Variants in ADGRB3 observed in about 807,000 individuals in gnomAD.
The protein encoded by ADGRB3 is adhesion G protein-coupled receptor B3, also known as brain-specific angiogenesis inhibitor 3.
Under a neutral mutation model 193.4 loss-of-function variants are expected in ADGRB3, and 37 were observed. That is an observed-to-expected ratio of 0.19 (90% CI 0.15 to 0.25). The LOEUF is 0.25. ADGRB3 is among the 10% of genes least tolerant of loss of function. The probability of loss-of-function intolerance (pLI) is 1.00; values close to 1 mark genes in which losing one functional copy is unlikely to be tolerated. For missense variants in ADGRB3, 1,637 were observed against 1,852.9 expected (o/e 0.88, Z 2.14); for synonymous variants, 690 against 644.2 (o/e 1.07, Z -1.08).
In ADGRB3 at chr6:68,712,434, C is replaced by T. The variant is rs945569840; in HGVS notation, c.757+73002C>T. Reference sequence around the variant, plus strand: ...TGCAAATGTGAATTTTTGCCTCTAGCGTGTTTTATTGCTACCTTGTCAAAA... The same window carrying T: ...TGCAAATGTGAATTTTTGCCTCTAGTGTGTTTTATTGCTACCTTGTCAAAA... On this transcript the variant is annotated intron_variant, in intron 3 of 31. Transcript: ENST00000370598. Among the ~76,000 whole-genome samples, 9 of 151,918 alleles carry T rather than the reference C, an allele frequency of 5.9e-5. No homozygotes were observed. The East Asian group carries it at 7.7e-4, about 13-fold the overall frequency.
chr6:68,834,711 G>A (rs959814329), intron 3 of ADGRB3, among the ~76,000 whole-genome samples: 3 of 124,514 alleles, frequency 2.4e-5, no homozygotes, highest in African/African-American at 6.3e-5. Flanking sequence ...CATCTGTTCA[G>A]TGCTGAGACG....
Position 68,809,616 on chromosome 6 carries a change from A to C in ADGRB3, c.758-120943A>C, listed in dbSNP as rs552064447. 2.6e-5 allele frequency among the ~76,000 whole-genome samples: 4 copies of C among 152,310 alleles called. No homozygotes were observed. In the East Asian group the frequency reaches 5.8e-4, roughly 22 times the overall value. On this transcript the variant is annotated intron_variant, in intron 3 of 31. Transcript: ENST00000370598. ...AAATAAGATTTTTGTCTAGTGAAAA[A>C]CTTAGCATAGGAAAAGCAAGACATG...
chr6:68,963,722 T>G (rs1768297355), intron 8 of ADGRB3, among the ~76,000 whole-genome samples: 1 of 152,132 alleles, frequency 6.6e-6, no homozygotes, highest in Admixed American at 6.5e-5. Context: ...AGGGGAGAAT[T>G]TGGGAGCCCA....
intron 3 of ADGRB3, among the ~76,000 whole-genome samples, chr6:68,777,694 A>G (rs1766775812): frequency 6.6e-6 from 1 of 150,568 alleles, no homozygotes; most frequent in Admixed American, 6.6e-5. Flanking sequence ...AAAAACGACT[A>G]CTAAACATGA....
At chr6:69,083,956 G>A (rs1028507475) in intron 17 of ADGRB3, among the ~76,000 whole-genome samples, 2 of 151,832 alleles carry the variant, frequency 1.3e-5, no homozygotes, top group Non-Finnish European at 2.9e-5. Context: ...TGCATTTTTA[G>A]TATAGACGCA....
chr6:69,376,544 C>T (rs964710077), intron 30 of ADGRB3, among the ~76,000 whole-genome samples: 1 of 151,956 alleles, frequency 6.6e-6, no homozygotes, highest in South Asian at 2.1e-4. Context: ...AATCACAAAT[C>T]CCCATTTTCA....
At chr6:68,881,235 CCA>C (rs1765721047) in intron 3 of ADGRB3, among the ~76,000 whole-genome samples, 2 of 151,702 alleles carry the variant, frequency 1.3e-5, no homozygotes, top group African/African-American at 4.8e-5. Context: ...AGCATCAAAT[CCA>C]CAGTTATGTG....
At position 69,114,821 on chromosome 6, in the gene ADGRB3, G is replaced by A. The variant is rs1773480977; in HGVS notation, c.2480+38783G>A. 2.0e-5 allele frequency among the ~76,000 whole-genome samples: 3 copies of A among 152,216 alleles called. 1 individual carries two copies. In the South Asian group the frequency reaches 6.2e-4, roughly 32 times the overall value. On this transcript the variant is annotated intron_variant, in intron 17 of 31. Coordinates refer to ENST00000370598, the MANE Select transcript of ADGRB3 (RefSeq NM_001704.3). ...GGTTTGTCAAAGATCAGAAATTTATGCAGCCAACAAACATATGAAAAAATG... is the reference window on the plus strand; with the variant it reads ...GGTTTGTCAAAGATCAGAAATTTATACAGCCAACAAACATATGAAAAAATG...
intron 17 of ADGRB3, among the ~76,000 whole-genome samples, chr6:69,150,813 G>T (rs1257177772): frequency 2.0e-5 from 3 of 152,194 alleles, no homozygotes; most frequent in African/African-American, 7.2e-5. Context: ...CTCTTTAGCA[G>T]CAGGTGATGA....
chr6:68,901,720 CT>C (rs1185250475), intron 3 of ADGRB3, among the ~76,000 whole-genome samples: 1 of 152,006 alleles, frequency 6.6e-6, no homozygotes, highest in Non-Finnish European at 1.5e-5. Context: ...GCTATATATA[CT>C]ACATGGCATA....
chr6:69,253,244 T>A (rs1156916526), intron 20 of ADGRB3, among the ~76,000 whole-genome samples: 1 of 152,218 alleles, frequency 6.6e-6, no homozygotes, highest in East Asian at 1.9e-4. Flanking sequence ...TCCTTTCCAA[T>A]ATTATTTTGC....
intron 8 of ADGRB3, among the ~76,000 whole-genome samples, chr6:68,970,102 A>G (rs1456299412): frequency 6.6e-6 from 1 of 152,138 alleles, no homozygotes; most frequent in African/African-American, 2.4e-5. Context: ...GCACACTGCC[A>G]GTTTTAATTA....
intron 20 of ADGRB3, among the ~76,000 whole-genome samples, chr6:69,312,546 G>C (rs1768217168): frequency 6.6e-6 from 1 of 151,634 alleles, no homozygotes; most frequent in Non-Finnish European, 1.5e-5. Context: ...GTCCAGTGGT[G>C]TCATTTAGTG....
chr6:69,159,406 A>G (rs1045215162), intron 17 of ADGRB3, among the ~76,000 whole-genome samples: 1 of 152,032 alleles, frequency 6.6e-6, no homozygotes, highest in African/African-American at 2.4e-5. Flanking sequence ...AGAATTGATT[A>G]TATTTATTAA....
intron 3 of ADGRB3, among the ~76,000 whole-genome samples, chr6:68,725,315 A>G (rs1243315178): frequency 6.6e-6 from 1 of 151,686 alleles, no homozygotes; most frequent in Non-Finnish European, 1.5e-5. Flanking sequence ...AGGCAGTGAG[A>G]ATCACATGAT....
At chr6:69,246,712 T>G (rs1582575038) in intron 20 of ADGRB3, among the ~76,000 whole-genome samples, 1 of 152,330 alleles carries the variant, frequency 6.6e-6, no homozygotes, top group South Asian at 2.1e-4. Context: ...GTGGAATTAC[T>G]TGACAATAGG....
rs774669403 is a variant in ADGRB3 at position 68,993,979 on chromosome 6, C to G, written c.1929+17C>G. Reference sequence around the variant, plus strand: ...GGTGTCCAGGTAAGGGAGACAAGTTCGTGAAGGAAAGGGCTAGTGAAGATG... The same window carrying G: ...GGTGTCCAGGTAAGGGAGACAAGTTGGTGAAGGAAAGGGCTAGTGAAGATG... On this transcript the variant is annotated intron_variant, in intron 11 of 31. Transcript: ENST00000370598. 1.2e-6 allele frequency: 2 copies of G among 1,608,692 alleles called. No homozygotes were observed. The highest frequency in any genetic ancestry group is 1.7e-6 in the Non-Finnish European group (2 of 1,176,352).
chr6:68,740,082 A>G (rs548868360), intron 3 of ADGRB3, among the ~76,000 whole-genome samples: 18 of 152,260 alleles, frequency 1.2e-4, no homozygotes, highest in Non-Finnish European at 2.4e-4. Flanking sequence ...TTTATCAGTT[A>G]TTTTATACTT....
chr6:68,903,354 G>A (rs1055160020), intron 3 of ADGRB3, among the ~76,000 whole-genome samples: 3 of 151,916 alleles, frequency 2.0e-5, no homozygotes, highest in Non-Finnish European at 2.9e-5. Flanking sequence ...ATAAAAACCC[G>A]ACCTCATATT....
Sources: gnomAD v4.1 joint callset for allele counts (sites outside exome capture counted in the v4.1 genomes callset) on GRCh38, gnomAD v4.1.1 for gene constraint, MANE v1.5 for transcripts, NCBI Gene and HGNC (gene_info 2026-07-23, HGNC 2026-07-21) for gene names.